EPB41L4B: variants seen among roughly 807,000 people sequenced by gnomAD.
EPB41L4B encodes the protein erythrocyte membrane protein band 4.1 like 4B.
A neutral mutation model predicts 112.5 loss-of-function variants in EPB41L4B; 30 were observed. That is an observed-to-expected ratio of 0.27 (90% confidence interval 0.20 to 0.36). The LOEUF (loss-of-function observed/expected upper bound fraction) is 0.36. Among genes scored for constraint, EPB41L4B ranks in the 10% least tolerant of loss-of-function variants. The probability of loss-of-function intolerance (pLI) is 1.00; values close to 1 mark genes in which losing one functional copy is unlikely to be tolerated. For synonymous variants in EPB41L4B, 408 were observed against 439.7 expected (o/e 0.93, Z 0.90); for missense variants, 1,024 against 1,133.3 (o/e 0.90, Z 1.38).
intron 1 of EPB41L4B, among the ~76,000 whole-genome samples, chr9:109,312,666 C>T (rs1432018271): frequency 1.3e-5 from 2 of 152,178 alleles, no homozygotes; most frequent in African/African-American, 4.8e-5. Context: ...ACAACAGTAA[C>T]CATCAACACA....
At chr9:109,306,164 A>G (rs1837182951) in intron 1 of EPB41L4B, among the ~76,000 whole-genome samples, 1 of 152,198 alleles carries the variant, frequency 6.6e-6, no homozygotes, top group Non-Finnish European at 1.5e-5. Context: ...AGAACACCCA[A>G]AATTCTCTCG....
At position 109,182,743 on chromosome 9, in the gene EPB41L4B, C is replaced by T. The variant is rs1281128355; in HGVS notation, c.2473G>A (p.Gly825Arg). ...MNPFPDTFTT[G>R]PQFTADFRDS... ...GATCTACTTACAGTAAACTGTGGCC[C>T]TGTGGTGAAAGTATCAGGAAACGGG... The change falls in exon 24 of 26, where the codon GGG becomes AGG. Residue 825 changes from glycine (G) to arginine (R), a missense_variant. Transcript: ENST00000374566. 6.2e-7 allele frequency: 1 copy of T among 1,612,006 alleles called. No homozygotes were observed. The highest frequency in any genetic ancestry group is 2.2e-5 in the East Asian group (1 of 44,882).
At chr9:109,317,695 T>C (rs538584045) in intron 1 of EPB41L4B, among the ~76,000 whole-genome samples, 2 of 152,344 alleles carry the variant, frequency 1.3e-5, no homozygotes, top group South Asian at 4.1e-4. Context: ...ACATTTAGCC[T>C]GGCAATGTCC....
intron 2 of EPB41L4B, among the ~76,000 whole-genome samples, chr9:109,275,262 C>T (rs1213216760): frequency 6.6e-6 from 1 of 152,190 alleles, no homozygotes; most frequent in Non-Finnish European, 1.5e-5. Flanking sequence ...CTGCAGCTGC[C>T]AACCTCTGAT....
In EPB41L4B at chr9:109,320,377, G is replaced by A. The variant is rs1439355033; in HGVS notation, c.70C>T (p.Arg24Cys). ...TCGTCCCCCAGCCCGGCGGCCCCGCGCCCCGCCGCGCCCCGCGCGTAGCGC... is the reference window on the plus strand; with the variant it reads ...TCGTCCCCCAGCCCGGCGGCCCCGCACCCCGCCGCGCCCCGCGCGTAGCGC... ...MQRYARGAAG[R>C]GAAGLGDERD... Residue 24 changes from arginine to cysteine, a missense_variant, in exon 1 of 26, where the codon CGC becomes TGC. Transcript: ENST00000374566. 18 of 981,046 alleles carry A rather than the reference G, an allele frequency of 1.8e-5. No homozygotes were observed. In the East Asian group the frequency reaches 3.5e-4, roughly 19 times the overall value. 60.8% of individuals were successfully genotyped at this position (981,046 alleles called of 1,614,324 possible).
intron 24 of EPB41L4B, among the ~76,000 whole-genome samples, chr9:109,180,808 T>G (rs930760182): frequency 5.9e-5 from 9 of 152,090 alleles, no homozygotes; most frequent in African/African-American, 1.9e-4. Flanking sequence ...AATTGCAAGC[T>G]CTGGTTCCCG....
chr9:109,235,563 A>T (rs1435494577), intron 15 of EPB41L4B, among the ~76,000 whole-genome samples: 1 of 151,328 alleles, frequency 6.6e-6, no homozygotes, highest in African/African-American at 2.4e-5. Flanking sequence ...ACGCCCGGCT[A>T]GTTTTTGCAT....
chr9:109,194,685 G>A (rs187825193), intron 20 of EPB41L4B, among the ~76,000 whole-genome samples: 17 of 152,232 alleles, frequency 1.1e-4, no homozygotes, highest in Admixed American at 7.9e-4. Context: ...ACAATTCAGT[G>A]GCATTAAATG....
intron 1 of EPB41L4B, among the ~76,000 whole-genome samples, chr9:109,289,694 G>C (rs572791050): frequency 6.6e-6 from 1 of 152,324 alleles, no homozygotes; most frequent in East Asian, 1.9e-4. Flanking sequence ...CTAGGACATT[G>C]ACGTTTTGGA....
intron 15 of EPB41L4B, among the ~76,000 whole-genome samples, chr9:109,241,967 A>C (rs559965080): frequency 6.3e-4 from 96 of 152,326 alleles, no homozygotes; most frequent in African/African-American, 2.0e-3. Flanking sequence ...TCCTAGTAAG[A>C]ATTTTAAAAA....
At chr9:109,246,954 A>G (rs1205560442) in intron 14 of EPB41L4B, among the ~76,000 whole-genome samples, 1 of 152,164 alleles carries the variant, frequency 6.6e-6, no homozygotes, top group East Asian at 1.9e-4. Context: ...GTAGGGGTTG[A>G]GGCTAGCGTT....
chr9:109,261,556 G>A (rs1835204232), intron 6 of EPB41L4B, among the ~76,000 whole-genome samples: 1 of 151,938 alleles, frequency 6.6e-6, no homozygotes, highest in Non-Finnish European at 1.5e-5. Context: ...AGCATCCTAC[G>A]GTCATTAAAA....
intron 22 of EPB41L4B, among the ~76,000 whole-genome samples, chr9:109,189,914 A>G (rs1832400344): frequency 6.6e-6 from 1 of 151,120 alleles, no homozygotes; most frequent in African/African-American, 2.4e-5. Flanking sequence ...CAGGAATAAT[A>G]CCACCATGCC....
chr9:109,256,079 A>G (rs1314368529), intron 9 of EPB41L4B, 57 bp downstream of exon 9: 2 of 1,473,322 alleles, frequency 1.4e-6, no homozygotes, highest in Non-Finnish European at 1.9e-6. Context: ...TCCATCACAT[A>G]GAATTCCACC....
chr9:109,225,784 T>C (rs2118879843), intron 15 of EPB41L4B, among the ~76,000 whole-genome samples: 1 of 152,254 alleles, frequency 6.6e-6, no homozygotes, highest in Non-Finnish European at 1.5e-5. Context: ...TCCTGGCTCC[T>C]GAAGGATGAT....
chr9:109,237,705 AGC>A, intron 15 of EPB41L4B, among the ~76,000 whole-genome samples: 1 of 152,116 alleles, frequency 6.6e-6, no homozygotes, highest in Non-Finnish European at 1.5e-5. Context: ...GACAGTAAAC[AGC>A]GTTATTAGAT....
chr9:109,307,583 G>A (rs1258263362), intron 1 of EPB41L4B, among the ~76,000 whole-genome samples: 2 of 152,200 alleles, frequency 1.3e-5, no homozygotes, highest in Non-Finnish European at 2.9e-5. Flanking sequence ...AACCGACTGA[G>A]CAGAGGTGAT....
At chr9:109,221,920 G>A (rs2118860486) in intron 15 of EPB41L4B, among the ~76,000 whole-genome samples, 1 of 152,310 alleles carries the variant, frequency 6.6e-6, no homozygotes, top group East Asian at 1.9e-4. Flanking sequence ...TCTGCTTGGA[G>A]TGCAAGATTC....
chr9:109,250,069 C>T (rs149468851), intron 13 of EPB41L4B, among the ~76,000 whole-genome samples: 8 of 152,292 alleles, frequency 5.3e-5, no homozygotes, highest in East Asian at 1.9e-4. Context: ...CCTCCCCACT[C>T]GGCTTCATCC....
Sources: gnomAD v4.1 joint callset for allele counts (sites outside exome capture counted in the v4.1 genomes callset) on GRCh38, gnomAD v4.1.1 for gene constraint, MANE v1.5 for transcripts, NCBI Gene and HGNC (gene_info 2026-07-23, HGNC 2026-07-21) for gene names.